The following CNOT6L variants were observed in gnomAD, a reference collection of about 807,000 sequenced individuals.
CNOT6L encodes CCR4-NOT transcription complex subunit 6-like.
A neutral mutation model predicts 64.0 loss-of-function variants in CNOT6L; 7 were observed. The observed-to-expected ratio is 0.11, with a 90% CI of 0.06 to 0.21. CNOT6L has a LOEUF of 0.21. CNOT6L is among the 10% of genes least tolerant of loss of function. The pLI, the probability that CNOT6L is intolerant of heterozygous loss-of-function variation, is 1.00. For synonymous variants in CNOT6L, 193 were observed against 243.4 expected (o/e 0.79, Z 1.93); for missense variants, 245 against 669.0 (o/e 0.37, Z 6.99).
intron 1 of CNOT6L, among the ~76,000 whole-genome samples, chr4:77,805,568 A>G (rs1366407759): frequency 1.3e-5 from 2 of 152,220 alleles, no homozygotes; most frequent in African/African-American, 4.8e-5. Flanking sequence ...TAGTTGTTAC[A>G]GAAATCTCAA....
intron 8 of CNOT6L, among the ~76,000 whole-genome samples, chr4:77,736,957 G>A (rs887173330): frequency 1.5e-5 from 2 of 134,850 alleles, no homozygotes; most frequent in Non-Finnish European, 3.2e-5. Context: ...AAAAGAACAC[G>A]TCCAGAGCAG....
chr4:77,810,457 T>C (rs897240267), intron 1 of CNOT6L, among the ~76,000 whole-genome samples: 2 of 152,160 alleles, frequency 1.3e-5, no homozygotes, highest in East Asian at 3.8e-4. Flanking sequence ...AAACTAAACA[T>C]AAAATTTTTT....
rs777265170 is a variant in CNOT6L, at chr4:77,731,331, T to C, written c.1024+56A>G. The C allele has an allele frequency of 2.6e-4, 398 of 1,532,852 alleles. 5 individuals carry two copies. The highest frequency in any genetic ancestry group is 2.1e-3 in the Middle Eastern group (9 of 4,264). The allele number at this position is 1,532,852 out of a possible 1,614,324, so 95.0% of individuals were successfully genotyped here. A position where few individuals can be genotyped will look rare whatever the true frequency, so the allele number is the denominator to read the frequency against. On this transcript the variant is annotated intron_variant, in intron 9 of 11. Coordinates refer to ENST00000504123, the MANE Select transcript of CNOT6L (RefSeq NM_144571.3). ...AAAATTCTCTTCACTTGTTTTGAGATGGAAAAACTTGGGATGGTGTTTATT... is the reference window on the plus strand; with the variant it reads ...AAAATTCTCTTCACTTGTTTTGAGACGGAAAAACTTGGGATGGTGTTTATT...
intron 5 of CNOT6L, among the ~76,000 whole-genome samples, chr4:77,750,083 G>A (rs1724689441): frequency 6.6e-6 from 1 of 151,898 alleles, no homozygotes; most frequent in Admixed American, 6.6e-5. Context: ...AAAAGAAGTA[G>A]AAAAAAATAG....
At chr4:77,729,293 T>C (rs969598933) in intron 9 of CNOT6L, among the ~76,000 whole-genome samples, 9 of 152,226 alleles carry the variant, frequency 5.9e-5, no homozygotes, top group South Asian at 2.1e-4. Context: ...CTAGATCAAG[T>C]TGGCAAACTG....
At chr4:77,725,006 C>T (rs1367354825) in intron 11 of CNOT6L, among the ~76,000 whole-genome samples, 5 of 152,170 alleles carry the variant, frequency 3.3e-5, no homozygotes, top group African/African-American at 1.2e-4. Flanking sequence ...GCAAACACCA[C>T]AAATCAGAGC....
At chr4:77,771,417 A>C (rs1411546021) in intron 4 of CNOT6L, among the ~76,000 whole-genome samples, 1 of 152,210 alleles carries the variant, frequency 6.6e-6, no homozygotes, top group African/African-American at 2.4e-5. Context: ...TGAGGAATAG[A>C]CTTGCACCTA....
At chr4:77,808,318 C>T (rs7686883) in intron 1 of CNOT6L, among the ~76,000 whole-genome samples, 119,238 of 151,426 alleles carry the variant, frequency 0.79, 47,790 homozygotes, top group Non-Finnish European at 0.86. Context: ...AAAAATTAGC[C>T]GGGTGTGGTG....
intron 1 of CNOT6L, among the ~76,000 whole-genome samples, chr4:77,798,135 G>A (rs1476653521): frequency 6.6e-6 from 1 of 152,076 alleles, no homozygotes; most frequent in Admixed American, 6.6e-5. Flanking sequence ...AGACCAGCCT[G>A]GGCAAATATA....
intron 4 of CNOT6L, among the ~76,000 whole-genome samples, chr4:77,759,861 T>A (rs1164248930): frequency 1.3e-5 from 2 of 152,154 alleles, no homozygotes; most frequent in Non-Finnish European, 2.9e-5. Context: ...TCGTTCCAAG[T>A]GCACATGAAC....
chr4:77,763,422 T>C (rs1171445313), intron 4 of CNOT6L, among the ~76,000 whole-genome samples: 1 of 152,082 alleles, frequency 6.6e-6, no homozygotes, highest in Admixed American at 6.5e-5. Context: ...GTACCTAGTA[T>C]TGGGTTCAAT....
intron 1 of CNOT6L, among the ~76,000 whole-genome samples, chr4:77,818,654 G>A (rs1262318023): frequency 6.6e-6 from 1 of 152,126 alleles, no homozygotes; most frequent in African/African-American, 2.4e-5. Flanking sequence ...GCCAAAATAA[G>A]CCTTCGCCTC....
At chr4:77,733,354 A>C (rs1303327817) in intron 8 of CNOT6L, among the ~76,000 whole-genome samples, 6 of 152,108 alleles carry the variant, frequency 3.9e-5, no homozygotes, top group African/African-American at 1.4e-4. Flanking sequence ...CAGAAAAAAG[A>C]AGCAGACATG....
chr4:77,808,618 C>T lies in CNOT6L; in HGVS notation c.5+10686G>A, dbSNP rs1205306789. 2.0e-5 allele frequency among the ~76,000 whole-genome samples: 3 copies of T among 152,092 alleles called. No individual in the cohort carries two copies. The East Asian group carries it at 5.8e-4, about 29-fold the overall frequency. On this transcript the variant is annotated intron_variant, in intron 1 of 11. Coordinates refer to ENST00000504123, the MANE Select transcript of CNOT6L (RefSeq NM_144571.3). ...TGGGATGAATTTTACAAGGATTTCT[C>T]TGGTGACAATGTGTACAAAGGAAAA...
chr4:77,768,980 C>T (rs201586461), intron 4 of CNOT6L, among the ~76,000 whole-genome samples: 2 of 152,108 alleles, frequency 1.3e-5, no homozygotes, highest in East Asian at 3.9e-4. Context: ...CTGTTCATGG[C>T]TGTACTGCTT....
At chr4:77,732,987 A>G (rs1307908303) in intron 8 of CNOT6L, among the ~76,000 whole-genome samples, 4 of 152,122 alleles carry the variant, frequency 2.6e-5, no homozygotes, top group Non-Finnish European at 4.4e-5. Context: ...GGTGGCTTGA[A>G]CAAAGGCAAG....
At chr4:77,816,363 T>G (rs2110196003) in intron 1 of CNOT6L, among the ~76,000 whole-genome samples, 1 of 152,346 alleles carries the variant, frequency 6.6e-6, no homozygotes, top group Admixed American at 6.5e-5. Context: ...TCTATTTCTT[T>G]GTTTCTAAGG....
At position 77,714,272 on chromosome 4, in the gene CNOT6L, A is replaced by ACTCAAAACGATAAATTGAGTGG. The variant is rs1432059311; in HGVS notation, c.*6137_*6158dup. The ACTCAAAACGATAAATTGAGTGG allele has an allele frequency of 2.0e-5, 3 of 152,472 alleles. No homozygotes were observed. The highest frequency in any genetic ancestry group is 4.8e-5 in the African/African-American group (2 of 41,394). 9.4% of individuals were successfully genotyped at this position (152,472 alleles called of 1,614,324 possible). A position where few individuals can be genotyped will look rare whatever the true frequency, so the allele number is the denominator to read the frequency against. ...AATGAAAATAAATGAACCTTTCCCTACTCAAAACGATAAATTGAGTGGAAA... is the reference window on the plus strand; with the variant it reads ...AATGAAAATAAATGAACCTTTCCCTACTCAAAACGATAAATTGAGTGGCTCAAAACGATAAATTGAGTGGAAA... On this transcript the variant is annotated 3_prime_UTR_variant, in exon 12 of 12. Transcript: ENST00000504123.
chr4:77,779,975 C>G (rs1227107951), intron 1 of CNOT6L, among the ~76,000 whole-genome samples: 1 of 152,058 alleles, frequency 6.6e-6, no homozygotes, highest in African/African-American at 2.4e-5. Context: ...ATCAATCAAT[C>G]AATAACAGAG....
Sources: gnomAD v4.1 joint callset for allele counts (sites outside exome capture counted in the v4.1 genomes callset) on GRCh38, gnomAD v4.1.1 for gene constraint, MANE v1.5 for transcripts, NCBI Gene and HGNC (gene_info 2026-07-23, HGNC 2026-07-21) for gene names.